The following TSGA13 variants were observed in gnomAD, a reference collection of about 807,000 sequenced individuals.
The protein encoded by TSGA13 is testis-specific gene 13 protein.
Under a neutral mutation model 35.1 loss-of-function variants are expected in TSGA13, and 37 were observed. That is an observed-to-expected ratio of 1.05 (90% CI 0.81 to 1.39). The LOEUF (loss-of-function observed/expected upper bound fraction) is 1.39. Ranked by LOEUF, TSGA13 falls within the 40% of genes most tolerant of loss-of-function variation. TSGA13 has a pLI of 0.00. For synonymous variants in TSGA13, 124 were observed against 121.2 expected (o/e 1.02, Z -0.15); for missense variants, 338 against 328.5 (o/e 1.03, Z -0.22).
chr7:130,682,386 C>T (rs1360901309), intron 3 of TSGA13, among the ~76,000 whole-genome samples: 1 of 152,092 alleles, frequency 6.6e-6, no homozygotes, highest in Non-Finnish European at 1.5e-5. Context: ...TCCCAAAGTG[C>T]TGGGATTACA....
Position 130,669,040 on chromosome 7 carries a change from TA to T in TSGA13, c.801del (p.Ile268SerfsTer21). The T allele has an allele frequency of 3.1e-6, 5 of 1,614,196 alleles. No homozygotes were observed. Among genetic ancestry groups the T allele is most frequent in the Non-Finnish European group, 4.2e-6 (5 of 1,180,022 alleles). ...AFRNGRAPQW[I>X]IKKATVIG ...CACCCGATGACCGTGGCCTTTTTGA[TA>T]ATCCACTGCGGGGCCCTCCCGTTGC... On this transcript the variant is annotated frameshift_variant, in exon 8 of 8. Coordinates refer to ENST00000356588, the MANE Select transcript of TSGA13 (RefSeq NM_052933.4). LOFTEE classifies it high-confidence loss of function.
upstream of TSGA13, chr7:130,687,410 A>T (rs1584645840): frequency 6.6e-6 from 1 of 152,116 alleles, no homozygotes; most frequent in East Asian, 1.9e-4. Flanking sequence ...CCCCCCTCCC[A>T]GTGCTTTGTA....
chr7:130,672,509 T>C (rs1554463302), intron 6 of TSGA13, among the ~76,000 whole-genome samples: 1 of 152,152 alleles, frequency 6.6e-6, no homozygotes, highest in Non-Finnish European at 1.5e-5. Context: ...CCTTGGAATA[T>C]TTCCCCTCAA....
At chr7:130,683,499 T>C in intron 3 of TSGA13, 95 bp downstream of exon 3, 2 of 1,188,520 alleles carry the variant, frequency 1.7e-6, no homozygotes, top group Non-Finnish European at 2.4e-6. Flanking sequence ...TCCTTTTTGC[T>C]TTTCAATAGG....
rs1554465401 is a variant in TSGA13, at chr7:130,683,649, G to A, written c.47C>T (p.Thr16Ile). ...QTKFQNGKSK[T>I]SENSSAKREK... ...ACGTTTAGCTGAGCTATTTTCTGAA[G>A]TCTTTGATTTGCCATTTTGAAACCT... Residue 16 changes from threonine to isoleucine, a missense_variant, in exon 3 of 8, where the codon ACT becomes ATT. Thr to Ile is a moderately conservative substitution (Grantham distance 89, BLOSUM62 -1). Coordinates refer to ENST00000356588, the MANE Select transcript of TSGA13 (RefSeq NM_052933.4). 6.2e-7 allele frequency: 1 copy of A among 1,613,854 alleles called. No individual in the cohort carries two copies. Among genetic ancestry groups the A allele is most frequent in the Non-Finnish European group, 8.5e-7 (1 of 1,179,834 alleles).
intron 7 of TSGA13, among the ~76,000 whole-genome samples, chr7:130,670,788 AT>A (rs1174754477): frequency 2.6e-5 from 4 of 151,870 alleles, no homozygotes; most frequent in Non-Finnish European, 5.9e-5. Context: ...ACCCTGTTAA[AT>A]TTTTTTAAAT....
chr7:130,672,941 A>C, intron 5 of TSGA13, 65 bp from the exon 6 acceptor site: 2 of 1,504,810 alleles, frequency 1.3e-6, no homozygotes, highest in Non-Finnish European at 1.8e-6. Context: ...TTAAGTTTGG[A>C]CCAAGTTCCT....
chr7:130,674,740 T>C (rs1281261039), intron 5 of TSGA13, among the ~76,000 whole-genome samples: 1 of 152,220 alleles, frequency 6.6e-6, no homozygotes, highest in Non-Finnish European at 1.5e-5. Context: ...AATTAACATA[T>C]TGAGCTTTTG....
intron 5 of TSGA13, among the ~76,000 whole-genome samples, chr7:130,677,054 G>A (rs6963698): frequency 0.19 from 28,553 of 151,862 alleles, 2,894 homozygotes; most frequent in Middle Eastern, 0.25. Context: ...TACCACGCCC[G>A]GCTAATTTTT....
intron 6 of TSGA13, among the ~76,000 whole-genome samples, chr7:130,672,513 C>G (rs1248134810): frequency 6.6e-6 from 1 of 151,988 alleles, no homozygotes; most frequent in Non-Finnish European, 1.5e-5. Context: ...GGAATATTTC[C>G]CCTCAATCTT....
chr7:130,683,679 A>C lies in TSGA13; in HGVS notation c.24-7T>G, dbSNP rs1796598048. 3.1e-6 allele frequency: 5 copies of C among 1,613,580 alleles called. No homozygotes were observed. Among genetic ancestry groups the C allele is most frequent in the African/African-American group, 1.3e-5 (1 of 75,040 alleles). On this transcript the variant is annotated splice_region_variant and splice_polypyrimidine_tract_variant and intron_variant, in intron 2 of 7. Coordinates refer to ENST00000356588, the MANE Select transcript of TSGA13 (RefSeq NM_052933.4). The stretch of plus-strand genomic sequence containing the variant: ...TGATTTGCCATTTTGAAACCTGAAA[A>C]AGAGGCAGAACATCCGGTTGCACTT...
chr7:130,679,006 AAC>A, intron 5 of TSGA13, 147 bp downstream of exon 5: 1 of 663,494 alleles, frequency 1.5e-6, no homozygotes, highest in Non-Finnish European at 2.6e-6. Flanking sequence ...CGGCCTGGGT[AAC>A]AGAGTGAGAC....
At chr7:130,671,082 C>T (rs1554462908) in intron 7 of TSGA13, among the ~76,000 whole-genome samples, 1 of 152,114 alleles carries the variant, frequency 6.6e-6, no homozygotes, top group African/African-American at 2.4e-5. Flanking sequence ...CAACCTTATT[C>T]CAAGCCCCTT....
intron 4 of TSGA13, among the ~76,000 whole-genome samples, chr7:130,680,062 G>T (rs1796508480): frequency 6.6e-6 from 1 of 152,174 alleles, no homozygotes; most frequent in African/African-American, 2.4e-5. Context: ...AGCTACCAGG[G>T]ACCAAATCTC....
chr7:130,675,476 C>T (rs181553924), intron 5 of TSGA13, among the ~76,000 whole-genome samples: 1 of 152,196 alleles, frequency 6.6e-6, no homozygotes, highest in East Asian at 1.9e-4. Flanking sequence ...CTCCACCTCC[C>T]AAGTTCAAGC....
chr7:130,671,647 A>C lies in TSGA13; in HGVS notation c.658+14T>G. On this transcript the variant is annotated intron_variant, in intron 7 of 7. Coordinates refer to ENST00000356588, the MANE Select transcript of TSGA13 (RefSeq NM_052933.4). ...CAGTCCAGTAAGCCTTTGCTTTGAA[A>C]GAGAGGAGCTTACCATCTTTCCTCA... 1 of 1,559,068 alleles carries C rather than the reference A, an allele frequency of 6.4e-7. No homozygotes were observed.
intron 6 of TSGA13, 72 bp downstream of exon 6, chr7:130,672,662 G>A (rs1300487043): frequency 1.9e-6 from 3 of 1,559,638 alleles, no homozygotes; most frequent in Middle Eastern, 1.7e-4. Context: ...TAAATTGTAT[G>A]GCAAAGAACC....
chr7:130,676,594 C>T (rs1796415454), intron 5 of TSGA13, among the ~76,000 whole-genome samples: 1 of 152,212 alleles, frequency 6.6e-6, no homozygotes, highest in Admixed American at 6.5e-5. Context: ...AATTCTGAGA[C>T]CCAAGAGACC....
At chr7:130,678,825 T>C (rs1796470891) in intron 5 of TSGA13, among the ~76,000 whole-genome samples, 1 of 152,082 alleles carries the variant, frequency 6.6e-6, no homozygotes, top group Non-Finnish European at 1.5e-5. Flanking sequence ...AGTTCAAGAC[T>C]AGCCTGGGCA....
Sources: gnomAD v4.1 joint callset for allele counts (sites outside exome capture counted in the v4.1 genomes callset) on GRCh38, gnomAD v4.1.1 for gene constraint, MANE v1.5 for transcripts, NCBI Gene and HGNC (gene_info 2026-07-23, HGNC 2026-07-21) for gene names.